The following MYCBP2 variants were observed in gnomAD, a reference collection of about 807,000 sequenced individuals.
MYCBP2 encodes the protein E3 ubiquitin-protein ligase MYCBP2.
In MYCBP2, 120 loss-of-function variants were observed where a neutral mutation model predicts 525.3. The ratio of observed to expected loss-of-function variants is 0.23; its 90% CI spans 0.20 to 0.27. The LOEUF is 0.27. MYCBP2 is among the 10% of genes least tolerant of loss of function. The pLI, the probability that MYCBP2 is intolerant of heterozygous loss-of-function variation, is 1.00. For missense variants in MYCBP2, 4,149 were observed against 5,657.1 expected, an observed-to-expected ratio of 0.73 and a Z score of 8.55; for synonymous variants, 1,894 against 1,955.8, an observed-to-expected ratio of 0.97 and a Z score of 0.83.
chr13:77,214,419 T>C (rs548294824), intron 21 of MYCBP2, among the ~76,000 whole-genome samples: 33 of 151,660 alleles, frequency 2.2e-4, no homozygotes, highest in Non-Finnish European at 4.7e-4. Context: ...TAAACTATCA[T>C]ATATACACAC....
In MYCBP2 at chr13:77,067,878, T is replaced by C; in HGVS notation, c.12172-14A>G. On this transcript the variant is annotated splice_polypyrimidine_tract_variant and intron_variant, in intron 70 of 82. Transcript: ENST00000544440. ...TAAAGAGGTTACCTGGTAAGAAAAATAAAATGAGAGAATTCCATGTAAAGA... is the reference window on the plus strand; with the variant it reads ...TAAAGAGGTTACCTGGTAAGAAAAACAAAATGAGAGAATTCCATGTAAAGA... 6.3e-7 allele frequency: 1 copy of C among 1,594,994 alleles called. No individual in the cohort carries two copies. The highest frequency in any genetic ancestry group is 8.5e-7 in the Non-Finnish European group (1 of 1,170,700).
At chr13:77,305,723 CAT>C (rs2079333491) in intron 1 of MYCBP2, among the ~76,000 whole-genome samples, 1 of 151,952 alleles carries the variant, frequency 6.6e-6, no homozygotes, top group South Asian at 2.1e-4. Context: ...TGTCTAACAA[CAT>C]GTGGAAAGAA....
Position 77,156,130 on chromosome 13 carries a change from A to G in MYCBP2, c.6843T>C (p.Cys2281=), listed in dbSNP as rs111455068. The change falls in exon 46 of 83, where the codon TGT becomes TGC. Residue 2281 remains cysteine (C), a synonymous_variant. Transcript: ENST00000544440. The part of the protein sequence containing the change: ...SLILNKDDIR[C]GWPTTITVQT... ...GAACAGTTATGGTGGTAGGCCAACC[A>G]CAACGAATATCATCCTTATTCAGGA... 1 of 1,614,098 alleles carries G rather than the reference A, an allele frequency of 6.2e-7. No individual in the cohort carries two copies. The highest frequency in any genetic ancestry group is 8.5e-7 in the Non-Finnish European group (1 of 1,179,956).
chr13:77,260,504 A>G lies in MYCBP2; in HGVS notation c.1941T>C (p.Asn647=), dbSNP rs2073077287. ...GKIVVYTACN[N]GSSSVISKDG... is the part of the protein sequence containing the mutation. Reference sequence around the variant, plus strand: ...CTTTAGAAATAACAGAACTACTTCCATTATTGCAGGCTGTATATACCACAA... The same window carrying G: ...CTTTAGAAATAACAGAACTACTTCCGTTATTGCAGGCTGTATATACCACAA... Residue 647 remains asparagine, a synonymous_variant, in exon 13 of 83, where the codon AAT becomes AAC. Transcript: ENST00000544440. 2 of 1,611,058 alleles carry G rather than the reference A, an allele frequency of 1.2e-6. No individual in the cohort carries two copies. Among genetic ancestry groups the G allele is most frequent in the East Asian group, 2.2e-5 (1 of 44,730 alleles).
At chr13:77,246,988 T>A (rs1480579523) in intron 15 of MYCBP2, among the ~76,000 whole-genome samples, 1 of 152,018 alleles carries the variant, frequency 6.6e-6, no homozygotes, top group Non-Finnish European at 1.5e-5. Context: ...AAACCACATA[T>A]GAAAAACACA....
At chr13:77,243,732 G>T in intron 16 of MYCBP2, 74 bp downstream of exon 16, 1 of 1,308,844 alleles carries the variant, frequency 7.6e-7, no homozygotes, top group Admixed American at 2.6e-5. Flanking sequence ...ATATCTAAAA[G>T]AAATTGTTTA....
chr13:77,164,463 G>C lies in MYCBP2; in HGVS notation c.6538C>G (p.Leu2180Val). The C allele has an allele frequency of 6.2e-7, 1 of 1,609,516 alleles. No homozygotes were observed. Among genetic ancestry groups the C allele is most frequent in the Non-Finnish European group, 8.5e-7 (1 of 1,175,962 alleles). ...AAALMKKDLA[L>V]PIGNELEEDL... Reference sequence around the variant, plus strand: ...TATTGGCCACACTTACCAATAGGAAGTGCTAGGTCCTTCTTCATCAGAGCT... The same window carrying C: ...TATTGGCCACACTTACCAATAGGAACTGCTAGGTCCTTCTTCATCAGAGCT... The change falls in exon 43 of 83, where the codon CTT becomes GTT. Residue 2180 changes from leucine (L) to valine (V), a missense_variant. Physicochemically the swap from Leu to Val is conservative, Grantham distance 32. This residue lies in a region of MYCBP2 where 692 missense variants were observed against 852.7 expected (regional missense o/e 0.81). Coordinates refer to ENST00000544440, the MANE Select transcript of MYCBP2 (RefSeq NM_015057.5).
chr13:77,097,750 T>C lies in MYCBP2; in HGVS notation c.9404A>G (p.Asp3135Gly), dbSNP rs370452028. ...TTCAAAAGTGGTCTCGGTTTTCCCATCCTCACATTTTTCATGCAGAGGTGG... is the reference window on the plus strand; with the variant it reads ...TTCAAAAGTGGTCTCGGTTTTCCCACCCTCACATTTTTCATGCAGAGGTGG... The part of the protein sequence containing the change: ...KEPPLHEKCE[D>G]GKTETTFEMS... The change falls in exon 56 of 83, where the codon GAT (aspartate) becomes GGT (glycine). Residue 3135 changes from aspartate (D) to glycine (G), a missense_variant. Coordinates refer to ENST00000544440, the MANE Select transcript of MYCBP2 (RefSeq NM_015057.5). 9.2e-5 allele frequency: 149 copies of C among 1,613,536 alleles called. No homozygotes were observed. Among genetic ancestry groups the C allele is most frequent in the Middle Eastern group, 3.3e-4 (2 of 6,074 alleles).
At chr13:77,118,220 G>A (rs2050107512) in intron 55 of MYCBP2, 1 of 593,974 alleles carries the variant, frequency 1.7e-6, no homozygotes, top group Admixed American at 3.0e-5. Flanking sequence ...TGTGGGAGGG[G>A]ATAACATCCT....
chr13:77,118,061 C>T (rs1183816772), intron 55 of MYCBP2, among the ~76,000 whole-genome samples: 1 of 152,110 alleles, frequency 6.6e-6, no homozygotes, highest in Non-Finnish European at 1.5e-5. Flanking sequence ...TGGCTTTATC[C>T]TTTTGGGACA....
intron 70 of MYCBP2, 40 bp from the exon 71 acceptor site, chr13:77,067,904 C>G: frequency 6.5e-7 from 1 of 1,547,544 alleles, no homozygotes; most frequent in Non-Finnish European, 8.7e-7. Context: ...CATGTAAAGA[C>G]TAATGTTTTA....
chr13:77,063,587 C>T lies in MYCBP2; in HGVS notation c.12673-890G>A, dbSNP rs865899020. ...AAAAAAAAAAAAAAAAAAAAGACAACTGTTTTCAGAAATAGTTAAAAATTT... is the reference window on the plus strand; with the variant it reads ...AAAAAAAAAAAAAAAAAAAAGACAATTGTTTTCAGAAATAGTTAAAAATTT... On this transcript the variant is annotated intron_variant, in intron 73 of 82. Coordinates refer to ENST00000544440, the MANE Select transcript of MYCBP2 (RefSeq NM_015057.5). Among the ~76,000 whole-genome samples the T allele has an allele frequency of 5.8e-4, 81 of 140,188 alleles. 2 individuals carry two copies. Among genetic ancestry groups the T allele is most frequent in the Admixed American group, 2.8e-4 (4 of 14,148 alleles). The allele number at this position is 140,188 out of a possible 152,430, so 92.0% of individuals were successfully genotyped here.
In MYCBP2 at chr13:77,081,709, A is replaced by T; in HGVS notation, c.11194-58T>A. 1.3e-6 allele frequency: 2 copies of T among 1,540,450 alleles called. No homozygotes were observed. Among genetic ancestry groups the T allele is most frequent in the Non-Finnish European group, 1.8e-6 (2 of 1,140,300 alleles). Reference sequence around the variant, plus strand: ...TTAAAAGCAAATCTTTCGTGATGATAAAACAAACAGGTATAAGATAAAACA... The same window carrying T: ...TTAAAAGCAAATCTTTCGTGATGATTAAACAAACAGGTATAAGATAAAACA... On this transcript the variant is annotated intron_variant, in intron 64 of 82. Coordinates refer to ENST00000544440, the MANE Select transcript of MYCBP2 (RefSeq NM_015057.5). The surrounding 1 kb of genome is among the most constrained non-coding windows in gnomAD (Gnocchi z 4.6).
At chr13:77,238,100 C>T (rs748282499) in intron 17 of MYCBP2, among the ~76,000 whole-genome samples, 7 of 151,586 alleles carry the variant, frequency 4.6e-5, no homozygotes, top group African/African-American at 9.7e-5. Flanking sequence ...AAAATTAGCC[C>T]GGTGTGGTGG....
chr13:77,278,979 G>A, intron 3 of MYCBP2, 68 bp from the exon 4 acceptor site: 1 of 1,094,106 alleles, frequency 9.1e-7, no homozygotes, highest in African/African-American at 1.6e-5. Context: ...AAGCAGTTTA[G>A]TTGGTACAAG....
chr13:77,108,853 G>A (rs752360697), intron 55 of MYCBP2, among the ~76,000 whole-genome samples: 2 of 152,184 alleles, frequency 1.3e-5, no homozygotes, highest in East Asian at 3.9e-4. Flanking sequence ...ACAGGTGCCT[G>A]CCACCACACC....
intron 65 of MYCBP2, among the ~76,000 whole-genome samples, chr13:77,079,921 A>T (rs2043009703): frequency 1.3e-5 from 2 of 152,212 alleles, no homozygotes; most frequent in African/African-American, 4.8e-5. Flanking sequence ...ACATGTTGGG[A>T]ATTTTGAAAA....
At position 77,234,358 on chromosome 13, in the gene MYCBP2, A is replaced by G. The variant is rs143120354; in HGVS notation, c.2630-1095T>C. 8.7e-3 allele frequency among the ~76,000 whole-genome samples: 1,319 copies of G among 152,062 alleles called. 22 individuals carry two copies. Among genetic ancestry groups the G allele is most frequent in the African/African-American group, 0.03 (1,229 of 41,546 alleles). On this transcript the variant is annotated intron_variant, in intron 17 of 82. Transcript: ENST00000544440. The stretch of plus-strand genomic sequence containing the variant: ...AAAACAAGTTTTTTCATGATTCTCT[A>G]TTGATCTTCAGTTTAATTTTTCTAA...
Position 77,185,114 on chromosome 13 carries a change from A to T in MYCBP2, c.4708T>A (p.Cys1570Ser). Residue 1570 changes from cysteine (C) to serine (S), a missense_variant, in exon 32 of 83, where the codon TGT becomes AGT. This residue lies in a region of MYCBP2 where 292 missense variants were observed against 330.5 expected (regional missense o/e 0.88). Coordinates refer to ENST00000544440, the MANE Select transcript of MYCBP2 (RefSeq NM_015057.5). ...QWACLCDLLN[C>S]LDQDIQEANF... ...CAAACTTAAATTACCTGATCCAAAC[A>T]ATTCAGCAGATCACAAAGGCAAGCC... is the stretch of plus-strand genomic sequence containing the variant. 1 of 1,613,914 alleles carries T rather than the reference A, an allele frequency of 6.2e-7. No individual in the cohort carries two copies. The highest frequency in any genetic ancestry group is 1.7e-4 in the Middle Eastern group (1 of 6,060).
Sources: allele counts gnomAD v4.1 joint callset (sites outside exome capture counted in the v4.1 genomes callset), GRCh38; gene constraint gnomAD v4.1.1; regional missense constraint gnomAD v4.1.1; non-coding constraint Gnocchi (gnomAD v3.1); transcripts MANE v1.5; gene names NCBI Gene and HGNC (gene_info 2026-07-23, HGNC 2026-07-21).